Variants in CLYBL observed in about 807,000 individuals in gnomAD.
CLYBL encodes the protein citramalyl-CoA lyase, mitochondrial.
CLYBL carries 31 observed loss-of-function variants against 38.9 expected under a neutral mutation model. The ratio of observed to expected loss-of-function variants is 0.80; its 90% CI spans 0.60 to 1.08. The LOEUF (loss-of-function observed/expected upper bound fraction) is 1.08, where lower values mean the gene tolerates loss of function less well. Ranked by LOEUF, CLYBL falls within the 50% of genes least tolerant of loss-of-function variation. The probability of loss-of-function intolerance (pLI) is 0.00; values close to 1 mark genes in which losing one functional copy is unlikely to be tolerated. For missense variants in CLYBL, 434 were observed against 411.6 expected (o/e 1.05, Z -0.47); for synonymous variants, 171 against 158.6 (o/e 1.08, Z -0.59).
At chr13:99,880,280 G>C (rs113460763) in intron 7 of CLYBL, among the ~76,000 whole-genome samples, 2,405 of 151,906 alleles carry the variant, frequency 0.016, 64 homozygotes, top group African/African-American at 0.054. Context: ...GGCCAGGCTG[G>C]TCTCGAACTC....
At chr13:99,692,690 T>C (rs1234454266) in intron 1 of CLYBL, among the ~76,000 whole-genome samples, 1 of 152,180 alleles carries the variant, frequency 6.6e-6, no homozygotes, top group Non-Finnish European at 1.5e-5. Flanking sequence ...ACATTTTCCT[T>C]ACCCTAAAAG....
chr13:99,686,529 AG>A (rs2047820998), intron 1 of CLYBL, among the ~76,000 whole-genome samples: 1 of 152,198 alleles, frequency 6.6e-6, no homozygotes, highest in Non-Finnish European at 1.5e-5. Context: ...AGAGAGAGAG[AG>A]AGAGAGACTC....
At chr13:99,790,288 A>G (rs1238153216) in intron 2 of CLYBL, among the ~76,000 whole-genome samples, 13 of 152,190 alleles carry the variant, frequency 8.5e-5, no homozygotes, top group Admixed American at 8.5e-4. Context: ...GTTTCTTCCT[A>G]GCCTCAATGG....
intron 1 of CLYBL, among the ~76,000 whole-genome samples, chr13:99,749,732 C>T (rs1160504123): frequency 1.3e-5 from 2 of 152,182 alleles, no homozygotes; most frequent in Non-Finnish European, 2.9e-5. Context: ...TATATTGGCA[C>T]CACATGCTAA....
At chr13:99,655,855 C>T (rs2047322483) in intron 1 of CLYBL, among the ~76,000 whole-genome samples, 1 of 152,288 alleles carries the variant, frequency 6.6e-6, no homozygotes, top group South Asian at 2.1e-4. Context: ...GAACCATTGC[C>T]CAGTCATCGA....
At chr13:99,830,894 G>T (rs1441034781) in intron 2 of CLYBL, among the ~76,000 whole-genome samples, 2 of 152,208 alleles carry the variant, frequency 1.3e-5, no homozygotes, top group African/African-American at 4.8e-5. Context: ...CTTTGCCGAT[G>T]AAGTTAAGGA....
At chr13:99,671,069 C>T (rs1429249913) in intron 1 of CLYBL, among the ~76,000 whole-genome samples, 2 of 152,168 alleles carry the variant, frequency 1.3e-5, no homozygotes, top group South Asian at 2.1e-4. Context: ...TCAGTGCCTG[C>T]GGTATACAGC....
chr13:99,772,131 T>C, intron 1 of CLYBL, among the ~76,000 whole-genome samples: 1 of 152,344 alleles, frequency 6.6e-6, no homozygotes, highest in South Asian at 2.1e-4. Flanking sequence ...TTTTTACTTT[T>C]AGGTATAATT....
chr13:99,647,423 C>T (rs189108470), intron 1 of CLYBL, among the ~76,000 whole-genome samples: 28 of 151,888 alleles, frequency 1.8e-4, no homozygotes, highest in African/African-American at 5.3e-4. Flanking sequence ...ATCTGTCACA[C>T]GCCCCCCCGG....
chr13:99,643,545 AT>A (rs1433286708), intron 1 of CLYBL, among the ~76,000 whole-genome samples: 1 of 152,184 alleles, frequency 6.6e-6, no homozygotes, highest in Non-Finnish European at 1.5e-5. Context: ...TATAATTATA[AT>A]TTCAATGTCC....
chr13:99,736,391 A>G (rs2048668872), intron 1 of CLYBL, among the ~76,000 whole-genome samples: 1 of 151,808 alleles, frequency 6.6e-6, no homozygotes, highest in Non-Finnish European at 1.5e-5. Flanking sequence ...CTCATTGGAG[A>G]GCAAAAGATG....
At chr13:99,660,343 T>A (rs1175959052) in intron 1 of CLYBL, among the ~76,000 whole-genome samples, 1 of 152,196 alleles carries the variant, frequency 6.6e-6, no homozygotes, top group Non-Finnish European at 1.5e-5. Context: ...TCCTTCAGGG[T>A]AACTGCCTCG....
rs116137340 is a variant in CLYBL at position 99,908,944 on chromosome 13, C to T, written c.*1050C>T. On this transcript the variant is annotated 3_prime_UTR_variant and NMD_transcript_variant, in exon 10 of 10. Transcript: ENST00000689673. ...TATAGAAATATGTAACTCAGAGTCC[C>T]ATTCCACAAGCCCATGCTAGTGAGC... 7.5e-3 allele frequency among the ~76,000 whole-genome samples: 1,148 copies of T among 152,292 alleles called. 11 individuals carry two copies. Among genetic ancestry groups the T allele is most frequent in the African/African-American group, 0.027 (1,105 of 41,558 alleles).
chr13:99,697,067 T>C (rs1486809655), intron 1 of CLYBL, among the ~76,000 whole-genome samples: 2 of 152,232 alleles, frequency 1.3e-5, no homozygotes, highest in Non-Finnish European at 2.9e-5. Flanking sequence ...CCAAGCCCTC[T>C]TAGCTTCTTT....
intron 1 of CLYBL, among the ~76,000 whole-genome samples, chr13:99,728,499 C>T (rs1231523330): frequency 6.6e-6 from 1 of 151,590 alleles, no homozygotes. Flanking sequence ...AGGATGTTCT[C>T]GATCTCCTGA....
At chr13:99,753,354 T>A (rs2048992123) in intron 1 of CLYBL, among the ~76,000 whole-genome samples, 1 of 151,936 alleles carries the variant, frequency 6.6e-6, no homozygotes, top group Admixed American at 6.6e-5. Flanking sequence ...GGCTGTGGTG[T>A]GGAGAAGGGA....
chr13:99,676,366 A>G (rs146677867), intron 1 of CLYBL, among the ~76,000 whole-genome samples: 2,058 of 150,676 alleles, frequency 0.014, 46 homozygotes, highest in African/African-American at 0.047. Flanking sequence ...CTGGAGTGCA[A>G]TGGCGCAATC....
chr13:99,794,760 T>C (rs911808172), intron 2 of CLYBL, among the ~76,000 whole-genome samples: 1 of 151,802 alleles, frequency 6.6e-6, no homozygotes, highest in Non-Finnish European at 1.5e-5. Flanking sequence ...CCTGGCTAAT[T>C]TTTGTATTTT....
At chr13:99,856,813 A>G (rs1468842354) in intron 2 of CLYBL, among the ~76,000 whole-genome samples, 14 of 151,482 alleles carry the variant, frequency 9.2e-5, no homozygotes. Context: ...TAATTTTTGC[A>G]TTTTTAGTAG....
Sources: gnomAD v4.1 joint callset for allele counts (sites outside exome capture counted in the v4.1 genomes callset) on GRCh38, gnomAD v4.1.1 for gene constraint, MANE v1.5 for transcripts, NCBI Gene and HGNC (gene_info 2026-07-23, HGNC 2026-07-21) for gene names.